The following GPR62 variants were observed in gnomAD, a reference collection of about 807,000 sequenced individuals.
GPR62 encodes G protein-coupled receptor 62, also known as G-protein coupled receptor GPCR8.
For synonymous variants in GPR62, 280 were observed against 286.9 expected, an observed-to-expected ratio of 0.98 and a Z score of 0.24; for missense variants, 513 against 541.5, an observed-to-expected ratio of 0.95 and a Z score of 0.52.
In GPR62 at chr3:51,957,061, G is replaced by A. The variant is rs1047740499; in HGVS notation, c.*302G>A. ...ACAGGTGGTCCCCAGGCCAAGATGG[G>A]CAGGTGTCACAAAGAAGAGGGCCCT... is the stretch of plus-strand genomic sequence containing the variant. On this transcript the variant is annotated 3_prime_UTR_variant, in exon 1 of 1. Transcript: ENST00000322241. 4 of 404,346 alleles carry A rather than the reference G, an allele frequency of 9.9e-6. No homozygotes were observed. Among genetic ancestry groups the A allele is most frequent in the South Asian group, 8.8e-5 (1 of 11,362 alleles). 25.0% of individuals were successfully genotyped at this position (404,346 alleles called of 1,614,324 possible). A position where few individuals can be genotyped will look rare whatever the true frequency, so the allele number is the denominator to read the frequency against.
rs752562005 is a variant in GPR62, at chr3:51,956,206, C to T, written c.554C>T (p.Ala185Val). 5.2e-6 allele frequency: 8 copies of T among 1,524,994 alleles called. No individual in the cohort carries two copies. The highest frequency in any genetic ancestry group is 7.0e-6 in the Non-Finnish European group (8 of 1,148,502). The allele number at this position is 1,524,994 out of a possible 1,614,324, so 94.5% of individuals were successfully genotyped here. ...GCCCTGCTGGCCTTCGCGCTGCCCGCCCTCCTGCTGCTCGGCGCCTACGGC... is the reference window on the plus strand; with the variant it reads ...GCCCTGCTGGCCTTCGCGCTGCCCGTCCTCCTGCTGCTCGGCGCCTACGGC... ...LWALLAFALP[A>V]LLLLGAYGGI... is the part of the protein sequence containing the mutation. Residue 185 changes from alanine (A) to valine (V), a missense_variant, in exon 1 of 1, where the codon GCC becomes GTC. Physicochemically the swap from Ala to Val is moderately conservative, Grantham distance 64. Coordinates refer to ENST00000322241, the MANE Select transcript of GPR62 (RefSeq NM_080865.4).
chr3:51,956,299 A>C lies in GPR62; in HGVS notation c.647A>C (p.His216Pro), dbSNP rs28651222. The C allele has an allele frequency of 1.3e-6, 2 of 1,571,146 alleles. No homozygotes were observed. The highest frequency in any genetic ancestry group is 1.7e-6 in the Non-Finnish European group (2 of 1,169,344). ...PPRPARGSRL[H>P]SDSLDSRLSI... is the part of the protein sequence containing the mutation. ...CGGCCGGCGCGCGGGTCCCGACTCCACTCGGACTCTCTGGATAGCCGCCTT... is the reference window on the plus strand; with the variant it reads ...CGGCCGGCGCGCGGGTCCCGACTCCCCTCGGACTCTCTGGATAGCCGCCTT... Residue 216 changes from histidine (H) to proline (P), a missense_variant, in exon 1 of 1, where the codon CAC becomes CCC. Transcript: ENST00000322241.
Position 51,955,955 on chromosome 3 carries a change from CT to C in GPR62, c.304del (p.Cys102AlafsTer103). ...TCCTCTCCGCCGCTCTGCTGCCGGC[CT>C]GCACGCTCGGGGTGGCCGCACTTGG... is the stretch of plus-strand genomic sequence containing the variant. ...RFLSAALLPACTLGVAALGLA... is the reference protein window; with the variant it reads ...RFLSAALLPAXTLGVAALGLA... On this transcript the variant is annotated frameshift_variant, in exon 1 of 1. Coordinates refer to ENST00000322241, the MANE Select transcript of GPR62 (RefSeq NM_080865.4). LOFTEE classifies it low-confidence loss of function (END_TRUNC). 7.0e-7 allele frequency: 1 copy of C among 1,421,176 alleles called. No individual in the cohort carries two copies. Among genetic ancestry groups the C allele is most frequent in the South Asian group, 1.4e-5 (1 of 74,016 alleles). The allele number at this position is 1,421,176 out of a possible 1,614,324, so 88.0% of individuals were successfully genotyped here. A position where few individuals can be genotyped will look rare whatever the true frequency, so the allele number is the denominator to read the frequency against.
Position 51,956,338 on chromosome 3 carries a change from C to T in GPR62, c.686C>T (p.Pro229Leu). ...GATAGCCGCCTTTCCATCTTGCCGC[C>T]GCTCCGGCCTCGCCTGCCCGGGGGC... ...SLDSRLSILP[P>L]LRPRLPGGKA... Residue 229 changes from proline to leucine, a missense_variant, in exon 1 of 1, where the codon CCG becomes CTG. Physicochemically the swap from Pro to Leu is moderately conservative, Grantham distance 98. Transcript: ENST00000322241. 1 of 1,557,012 alleles carries T rather than the reference C, an allele frequency of 6.4e-7. No individual in the cohort carries two copies. The highest frequency in any genetic ancestry group is 8.6e-7 in the Non-Finnish European group (1 of 1,161,424).
rs753969590 is a variant in GPR62 at position 51,956,452 on chromosome 3, G to C, written c.800G>C (p.Arg267Pro). 33 of 1,533,384 alleles carry C rather than the reference G, an allele frequency of 2.2e-5. No homozygotes were observed. The highest frequency in any genetic ancestry group is 2.2e-5 in the Non-Finnish European group (25 of 1,146,984). 95.0% of individuals were successfully genotyped at this position (1,533,384 alleles called of 1,614,324 possible). Residue 267 changes from arginine to proline, a missense_variant, in exon 1 of 1, where the codon CGG becomes CCG. Physicochemically the swap from Arg to Pro is moderately radical, Grantham distance 103. Coordinates refer to ENST00000322241, the MANE Select transcript of GPR62 (RefSeq NM_080865.4). ...TGCGCGTGCCTGGCGCCCGCAGCGC[G>C]GGCCGCGGAAGCCGAAGCGGCTGTC... ...YGCACLAPAA[R>P]AAEAEAAVTW...
chr3:51,955,799 C>G lies in GPR62; in HGVS notation c.147C>G (p.Leu49=). ...VLRTPGLRDA[L]YLAHLCVVDL... Reference sequence around the variant, plus strand: ...GCACGCCGGGACTGCGCGACGCGCTCTACCTGGCGCACCTGTGCGTCGTGG... The same window carrying G: ...GCACGCCGGGACTGCGCGACGCGCTGTACCTGGCGCACCTGTGCGTCGTGG... The change falls in exon 1 of 1, where the codon CTC becomes CTG. Residue 49 remains leucine (L), a synonymous_variant. Coordinates refer to ENST00000322241, the MANE Select transcript of GPR62 (RefSeq NM_080865.4). 1 of 1,581,470 alleles carries G rather than the reference C, an allele frequency of 6.3e-7. No individual in the cohort carries two copies. The highest frequency in any genetic ancestry group is 1.1e-5 in the South Asian group (1 of 87,484).
chr3:51,956,735 G>T lies in GPR62; in HGVS notation c.1083G>T (p.Gly361=), dbSNP rs781134517. 3 of 1,609,342 alleles carry T rather than the reference G, an allele frequency of 1.9e-6. No individual in the cohort carries two copies. The highest frequency in any genetic ancestry group is 2.5e-6 in the Non-Finnish European group (3 of 1,178,396). ...LAGGRSPAYQ[G]PPESSLS ...GAGGGCGGAGCCCCGCATACCAGGG[G>T]CCACCTGAGAGTTCTCTCTCCTGAG... The change falls in exon 1 of 1, where the codon GGG becomes GGT. Residue 361 remains glycine, a synonymous_variant. Coordinates refer to ENST00000322241, the MANE Select transcript of GPR62 (RefSeq NM_080865.4).
chr3:51,955,519 C>A lies in GPR62; in HGVS notation c.-134C>A. On this transcript the variant is annotated 5_prime_UTR_variant, in exon 1 of 1. In the 5' UTR this introduces an upstream ATG that the reference lacks. Transcript: ENST00000322241. Reference sequence around the variant, plus strand: ...GCAGCCTGGGCGTCGGAGCCACCTCCTGGGCAGCCAATGAGGTGAGGGGCC... The same window carrying A: ...GCAGCCTGGGCGTCGGAGCCACCTCATGGGCAGCCAATGAGGTGAGGGGCC... 1 of 777,314 alleles carries A rather than the reference C, an allele frequency of 1.3e-6. No individual in the cohort carries two copies. Among genetic ancestry groups the A allele is most frequent in the Non-Finnish European group, 2.0e-6 (1 of 507,312 alleles). The allele number at this position is 777,314 out of a possible 1,614,324, so 48.2% of individuals were successfully genotyped here. A position where few individuals can be genotyped will look rare whatever the true frequency, so the allele number is the denominator to read the frequency against.
At position 51,956,633 on chromosome 3, in the gene GPR62, G is replaced by A. The variant is rs1450124754; in HGVS notation, c.981G>A (p.Leu327=). ...TPQAWHPRAL[L]QCLQRPPEGP... ...AAGCCTGGCACCCGCGGGCACTCTTGCAATGCCTCCAGAGACCCCCAGAGG... is the reference window on the plus strand; with the variant it reads ...AAGCCTGGCACCCGCGGGCACTCTTACAATGCCTCCAGAGACCCCCAGAGG... The change falls in exon 1 of 1, where the codon TTG becomes TTA. Residue 327 remains leucine (L), a synonymous_variant. Coordinates refer to ENST00000322241, the MANE Select transcript of GPR62 (RefSeq NM_080865.4). 20 of 1,612,646 alleles carry A rather than the reference G, an allele frequency of 1.2e-5. No individual in the cohort carries two copies. The highest frequency in any genetic ancestry group is 1.6e-5 in the Non-Finnish European group (19 of 1,180,000).
chr3:51,956,758 G>C lies in GPR62; in HGVS notation c.1106G>C (p.Ter369SerextTer46). The change falls in exon 1 of 1, where the codon TGA (stop) becomes TCA (serine). Residue 369 changes from the stop codon to serine, a stop_lost. Transcript: ENST00000322241. Reference sequence around the variant, plus strand: ...GGGCCACCTGAGAGTTCTCTCTCCTGAGCAGGAGAAAGGAGGGTGGTTTCC... The same window carrying C: ...GGGCCACCTGAGAGTTCTCTCTCCTCAGCAGGAGAAAGGAGGGTGGTTTCC... The part of the protein sequence containing the change: ...YQGPPESSLS[*>S] 6.3e-7 allele frequency: 1 copy of C among 1,595,984 alleles called. No homozygotes were observed. The highest frequency in any genetic ancestry group is 8.5e-7 in the Non-Finnish European group (1 of 1,172,078).
Position 51,957,304 on chromosome 3 carries a change from C to G in GPR62, c.*545C>G, listed in dbSNP as rs928800556. 6.0e-6 allele frequency: 1 copy of G among 167,770 alleles called. No individual in the cohort carries two copies. The highest frequency in any genetic ancestry group is 2.4e-5 in the African/African-American group (1 of 41,488). The allele number at this position is 167,770 out of a possible 1,614,324, so 10.4% of individuals were successfully genotyped here. ...GAAGTAGGAGGCTGGACGACTTCAC[C>G]CCCAAAGGGTCCTGAAGCCCCAGAA... is the stretch of plus-strand genomic sequence containing the variant. On this transcript the variant is annotated 3_prime_UTR_variant, in exon 1 of 1. Coordinates refer to ENST00000322241, the MANE Select transcript of GPR62 (RefSeq NM_080865.4).
Position 51,956,818 on chromosome 3 carries a change from C to T in GPR62, c.*59C>T, listed in dbSNP as rs574369233. ...CATCCAACCCCTGCACAGGTCACAG[C>T]AGGTGCCCTGCTGGATATCTGGGTC... On this transcript the variant is annotated 3_prime_UTR_variant, in exon 1 of 1. Coordinates refer to ENST00000322241, the MANE Select transcript of GPR62 (RefSeq NM_080865.4). 7 of 1,509,640 alleles carry T rather than the reference C, an allele frequency of 4.6e-6. No homozygotes were observed. Among genetic ancestry groups the T allele is most frequent in the Non-Finnish European group, 8.8e-7 (1 of 1,130,026 alleles). 93.5% of individuals were successfully genotyped at this position (1,509,640 alleles called of 1,614,324 possible).
Position 51,955,555 on chromosome 3 carries a change from G to T in GPR62, c.-98G>T. ...ATGAGGTGAGGGGCCGGAGGAGCAAGGGACAAGAGGAGCAGAGGACAGGTG... is the reference window on the plus strand; with the variant it reads ...ATGAGGTGAGGGGCCGGAGGAGCAATGGACAAGAGGAGCAGAGGACAGGTG... On this transcript the variant is annotated 5_prime_UTR_variant, in exon 1 of 1. It adds an upstream start codon to the 5' untranslated region. Coordinates refer to ENST00000322241, the MANE Select transcript of GPR62 (RefSeq NM_080865.4). 1 of 1,082,560 alleles carries T rather than the reference G, an allele frequency of 9.2e-7. No homozygotes were observed. The highest frequency in any genetic ancestry group is 1.3e-6 in the Non-Finnish European group (1 of 775,042). The allele number at this position is 1,082,560 out of a possible 1,614,324, so 67.1% of individuals were successfully genotyped here. A position where few individuals can be genotyped will look rare whatever the true frequency, so the allele number is the denominator to read the frequency against.
rs1301752233 is a variant in GPR62 at position 51,955,848 on chromosome 3, A to G, written c.196A>G (p.Met66Val). ...VVDLLAAASI[M>V]PLGLLAAPPP... is the part of the protein sequence containing the mutation. ...GGACCTGCTGGCGGCCGCCTCCATC[A>G]TGCCGCTGGGCCTGCTGGCCGCACC... Residue 66 changes from methionine (M) to valine (V), a missense_variant, in exon 1 of 1, where the codon ATG (methionine) becomes GTG (valine). Coordinates refer to ENST00000322241, the MANE Select transcript of GPR62 (RefSeq NM_080865.4). The G allele has an allele frequency of 6.6e-7, 1 of 1,505,664 alleles. No individual in the cohort carries two copies. Among genetic ancestry groups the G allele is most frequent in the Non-Finnish European group, 8.8e-7 (1 of 1,133,364 alleles). The allele number at this position is 1,505,664 out of a possible 1,614,324, so 93.3% of individuals were successfully genotyped here.
chr3:51,956,928 A>G lies in GPR62; in HGVS notation c.*169A>G. The G allele has an allele frequency of 8.3e-7, 1 of 1,209,368 alleles. No homozygotes were observed. The highest frequency in any genetic ancestry group is 1.1e-6 in the Non-Finnish European group (1 of 886,408). The allele number at this position is 1,209,368 out of a possible 1,614,324, so 74.9% of individuals were successfully genotyped here. A position where few individuals can be genotyped will look rare whatever the true frequency, so the allele number is the denominator to read the frequency against. On this transcript the variant is annotated 3_prime_UTR_variant, in exon 1 of 1. Coordinates refer to ENST00000322241, the MANE Select transcript of GPR62 (RefSeq NM_080865.4). ...AGGAATCCTGCGGTCTGGGCCCAACACTGCATAGCACTGTGCATAGGCCGA... is the reference window on the plus strand; with the variant it reads ...AGGAATCCTGCGGTCTGGGCCCAACGCTGCATAGCACTGTGCATAGGCCGA...
chr3:51,956,756 C>A lies in GPR62; in HGVS notation c.1104C>A (p.Ser368=). 6.3e-7 allele frequency: 1 copy of A among 1,599,800 alleles called. No individual in the cohort carries two copies. The highest frequency in any genetic ancestry group is 8.5e-7 in the Non-Finnish European group (1 of 1,173,824). The part of the protein sequence containing the change: ...AYQGPPESSL[S] ...AGGGGCCACCTGAGAGTTCTCTCTC[C>A]TGAGCAGGAGAAAGGAGGGTGGTTT... The change falls in exon 1 of 1, where the codon TCC becomes TCA. Residue 368 remains serine, a synonymous_variant. Coordinates refer to ENST00000322241, the MANE Select transcript of GPR62 (RefSeq NM_080865.4).
rs1464895807 is a variant in GPR62 at position 51,956,108 on chromosome 3, G to A, written c.456G>A (p.Pro152=). The A allele has an allele frequency of 1.4e-6, 2 of 1,437,162 alleles. No individual in the cohort carries two copies. Among genetic ancestry groups the A allele is most frequent in the Non-Finnish European group, 1.8e-6 (2 of 1,101,168 alleles). 89.0% of individuals were successfully genotyped at this position (1,437,162 alleles called of 1,614,324 possible). A position where few individuals can be genotyped will look rare whatever the true frequency, so the allele number is the denominator to read the frequency against. The change falls in exon 1 of 1, where the codon CCG becomes CCA. Residue 152 remains proline (P), a synonymous_variant. Coordinates refer to ENST00000322241, the MANE Select transcript of GPR62 (RefSeq NM_080865.4). ...LLGALSLLGT[P]PAPPPAPARC... is the part of the protein sequence containing the mutation. ...GCGCGCTCTCCCTGCTCGGCACGCC[G>A]CCCGCACCGCCCCCTGCTCCTGCTC...
chr3:51,957,492 T>G lies in GPR62; in HGVS notation c.*733T>G, dbSNP rs2292159. On this transcript the variant is annotated 3_prime_UTR_variant, in exon 1 of 1. Coordinates refer to ENST00000322241, the MANE Select transcript of GPR62 (RefSeq NM_080865.4). Reference sequence around the variant, plus strand: ...AGAATATTTATTCAAAAACAGGGATTGAAAAAACTGTACAGAGTGTCTGCT... The same window carrying G: ...AGAATATTTATTCAAAAACAGGGATGGAAAAAACTGTACAGAGTGTCTGCT... 2.3e-3 allele frequency: 391 copies of G among 166,600 alleles called. 6 individuals carry two copies. In the East Asian group the frequency reaches 0.041, roughly 17 times the overall value. 10.3% of individuals were successfully genotyped at this position (166,600 alleles called of 1,614,324 possible).
At position 51,956,249 on chromosome 3, in the gene GPR62, G is replaced by C. The variant is rs745991160; in HGVS notation, c.597G>C (p.Ala199=). 1.9e-6 allele frequency: 3 copies of C among 1,549,378 alleles called. No homozygotes were observed. The highest frequency in any genetic ancestry group is 1.9e-5 in the Admixed American group (1 of 53,500). The change falls in exon 1 of 1, where the codon GCG becomes GCC. Residue 199 remains alanine, a synonymous_variant. Coordinates refer to ENST00000322241, the MANE Select transcript of GPR62 (RefSeq NM_080865.4). The part of the protein sequence containing the change: ...LGAYGGIFVV[A]RRAALRPPRP... The stretch of plus-strand genomic sequence containing the variant: ...CCTACGGCGGCATCTTCGTGGTGGC[G>C]CGTCGCGCTGCCCTGAGGCCCCCAC...
Sources: gnomAD v4.1 joint callset for allele counts on GRCh38, gnomAD v4.1.1 for gene constraint, MANE v1.5 for transcripts, NCBI Gene and HGNC (gene_info 2026-07-23, HGNC 2026-07-21) for gene names.